Variants in DNAAF5 observed in about 807,000 individuals in gnomAD.
The protein encoded by DNAAF5 is dynein axonemal assembly factor 5.
DNAAF5 carries 64 observed loss-of-function variants against 75.8 expected under a neutral mutation model. The observed-to-expected ratio is 0.84, with a 90% CI of 0.69 to 1.04. The LOEUF is 1.04. Ranked by LOEUF, DNAAF5 falls within the 50% of genes least tolerant of loss-of-function variation. The probability of loss-of-function intolerance (pLI) is 0.00; values close to 1 mark genes in which losing one functional copy is unlikely to be tolerated. For missense variants in DNAAF5, 1,269 were observed against 1,178.5 expected (o/e 1.08, Z -1.12); for synonymous variants, 657 against 557.2 (o/e 1.18, Z -2.52).
chr7:761,708 G>T, intron 6 of DNAAF5, 45 bp from the exon 7 acceptor site: 2 of 1,555,122 alleles, frequency 1.3e-6, no homozygotes, highest in South Asian at 1.2e-5. Context: ...GTGGGGACAC[G>T]ACCAAATTGT....
chr7:752,668 C>A (rs1363656099), intron 4 of DNAAF5, among the ~76,000 whole-genome samples: 1 of 152,168 alleles, frequency 6.6e-6, no homozygotes, highest in Non-Finnish European at 1.5e-5. Flanking sequence ...TGGGCCGGGC[C>A]ACGCTTCCCT....
At chr7:775,212 G>T (rs1175315131) in intron 11 of DNAAF5, 50 bp downstream of exon 11, 19 of 1,563,672 alleles carry the variant, frequency 1.2e-5, no homozygotes, top group Middle Eastern at 1.7e-4. Context: ...TCAGCCCTCC[G>T]TGTCCCTGGG....
At chr7:742,202 C>T (rs1306024857) in intron 4 of DNAAF5, among the ~76,000 whole-genome samples, 1 of 152,196 alleles carries the variant, frequency 6.6e-6, no homozygotes, top group Non-Finnish European at 1.5e-5. Context: ...CAAGTGCTTT[C>T]ATCACTTGAG....
chr7:729,454 C>G (rs956396884), intron 1 of DNAAF5, among the ~76,000 whole-genome samples: 29 of 152,346 alleles, frequency 1.9e-4, no homozygotes, highest in Admixed American at 1.1e-3. Context: ...CAGGGTGGGA[C>G]GCTTGTCCCT....
Position 726,816 on chromosome 7 carries a change from C to T in DNAAF5, c.96C>T (p.Ser32=). The change falls in exon 1 of 13, where the codon AGC becomes AGT. Residue 32 remains serine, a synonymous_variant. Transcript: ENST00000297440. ...AEAVELSRAL[S]RLLPGLEADS... ...CGGTGGAGCTGAGCCGCGCCCTGAGCCGCCTGCTGCCGGGGCTGGAGGCCG... is the reference window on the plus strand; with the variant it reads ...CGGTGGAGCTGAGCCGCGCCCTGAGTCGCCTGCTGCCGGGGCTGGAGGCCG... The T allele has an allele frequency of 7.6e-7, 1 of 1,323,418 alleles. No individual in the cohort carries two copies. Among genetic ancestry groups the T allele is most frequent in the Non-Finnish European group, 9.6e-7 (1 of 1,039,952 alleles). The allele number at this position is 1,323,418 out of a possible 1,614,324, so 82.0% of individuals were successfully genotyped here. A position where few individuals can be genotyped will look rare whatever the true frequency, so the allele number is the denominator to read the frequency against.
At chr7:784,878 G>A (rs767138624) in intron 12 of DNAAF5, among the ~76,000 whole-genome samples, 22 of 152,148 alleles carry the variant, frequency 1.4e-4, no homozygotes, top group Non-Finnish European at 2.9e-4. Context: ...GCCAGGAGGC[G>A]ATTTTCAGTT....
Position 762,664 on chromosome 7 carries a change from A to C in DNAAF5, c.1614+768A>C, listed in dbSNP as rs1420457142. The stretch of plus-strand genomic sequence containing the variant: ...AGTCTCGCTCTGTCACCCAGGCTGG[A>C]GTGCAGTGGCGCGATCTCGGCTCAC... On this transcript the variant is annotated intron_variant, in intron 7 of 12. Transcript: ENST00000297440. Among the ~76,000 whole-genome samples, 3 of 150,284 alleles carry C rather than the reference A, an allele frequency of 2.0e-5. No individual in the cohort carries two copies. In the East Asian group the frequency reaches 6.2e-4, roughly 31 times the overall value.
At chr7:769,328 G>A (rs1778473620) in intron 8 of DNAAF5, 6 of 641,040 alleles carry the variant, frequency 9.4e-6, no homozygotes, top group Non-Finnish European at 8.5e-6. Flanking sequence ...TGGGCCTGCA[G>A]GCTGAGCCTG....
chr7:746,954 C>T (rs967057579), intron 4 of DNAAF5, among the ~76,000 whole-genome samples: 3 of 152,232 alleles, frequency 2.0e-5, no homozygotes, highest in African/African-American at 7.2e-5. Context: ...GAGGCTCATG[C>T]ATGGCACCTG....
chr7:766,336 A>G (rs2128081823), intron 8 of DNAAF5, among the ~76,000 whole-genome samples: 1 of 152,324 alleles, frequency 6.6e-6, no homozygotes, highest in South Asian at 2.1e-4. Flanking sequence ...GCACTACTGT[A>G]ATAAACAGAA....
At chr7:742,646 C>T (rs1053737485) in intron 4 of DNAAF5, among the ~76,000 whole-genome samples, 19 of 151,274 alleles carry the variant, frequency 1.3e-4, no homozygotes, top group African/African-American at 4.1e-4. Context: ...ATCAATCATG[C>T]CCAGCTCAAA....
intron 9 of DNAAF5, among the ~76,000 whole-genome samples, 183 bp from the exon 10 acceptor site, chr7:773,865 C>T (rs1361973923): frequency 6.6e-6 from 1 of 152,156 alleles, no homozygotes. Flanking sequence ...TAGGGTTGGG[C>T]CTGGAGGAAC....
At chr7:739,540 G>A (rs371793557) in intron 2 of DNAAF5, among the ~76,000 whole-genome samples, 33 of 152,198 alleles carry the variant, frequency 2.2e-4, no homozygotes, top group African/African-American at 5.8e-4. Flanking sequence ...TAATGACCCC[G>A]GCAAACGCGC....
rs189775716 is a variant in DNAAF5 at position 780,475 on chromosome 7, G to T, written c.2431+331G>T. ...CTTTCCAAAACAAAATCATCTGCAA[G>T]AACGATTTTTGCAAATGTCTTAAAT... On this transcript the variant is annotated intron_variant, in intron 12 of 12. Coordinates refer to ENST00000297440, the MANE Select transcript of DNAAF5 (RefSeq NM_017802.4). Among the ~76,000 whole-genome samples the T allele has an allele frequency of 5.6e-3, 849 of 152,356 alleles. 5 individuals are homozygous for T. Among genetic ancestry groups the T allele is most frequent in the Middle Eastern group, 0.034 (10 of 294 alleles).
chr7:727,279 T>G lies in DNAAF5; in HGVS notation c.559T>G (p.Cys187Gly). 1 of 1,312,224 alleles carries G rather than the reference T, an allele frequency of 7.6e-7. No individual in the cohort carries two copies. The highest frequency in any genetic ancestry group is 9.7e-7 in the Non-Finnish European group (1 of 1,034,818). The allele number at this position is 1,312,224 out of a possible 1,614,324, so 81.3% of individuals were successfully genotyped here. A position where few individuals can be genotyped will look rare whatever the true frequency, so the allele number is the denominator to read the frequency against. ...DPFAAVRRES[C>G]SCAAALAQAT... ...CTTCGCCGCCGTGCGCCGCGAGAGC[T>G]GCAGCTGCGCCGCCGCCCTGGCGCA... Residue 187 changes from cysteine to glycine, a missense_variant, in exon 1 of 13, where the codon TGC (cysteine) becomes GGC (glycine). Coordinates refer to ENST00000297440, the MANE Select transcript of DNAAF5 (RefSeq NM_017802.4).
intron 12 of DNAAF5, among the ~76,000 whole-genome samples, chr7:782,803 C>T (rs1383359000): frequency 2.0e-5 from 3 of 151,234 alleles, no homozygotes; most frequent in Non-Finnish European, 4.4e-5. Flanking sequence ...GCGTCAGAAA[C>T]TCGGTCTTCC....
chr7:735,701 A>G (rs938858734), intron 2 of DNAAF5, among the ~76,000 whole-genome samples: 3 of 152,134 alleles, frequency 2.0e-5, no homozygotes, highest in Non-Finnish European at 4.4e-5. Flanking sequence ...TAGTCTGGTT[A>G]AAGGTGTGTT....
At chr7:741,244 C>T (rs1781899185) in intron 3 of DNAAF5, 103 bp from the exon 4 acceptor site, 1 of 860,146 alleles carries the variant, frequency 1.2e-6, no homozygotes, top group African/African-American at 1.7e-5. Flanking sequence ...GCTTCCCGCT[C>T]TCACGCAATG....
In DNAAF5 at chr7:754,236, C is replaced by T. The variant is rs1193647193; in HGVS notation, c.1025-353C>T. Among the ~76,000 whole-genome samples the T allele has an allele frequency of 6.6e-6, 1 of 152,206 alleles. No homozygotes were observed. The highest frequency in any genetic ancestry group is 1.5e-5 in the Non-Finnish European group (1 of 68,038). On this transcript the variant is annotated intron_variant, in intron 4 of 12. Transcript: ENST00000297440. The surrounding 1 kb of genome is among the most constrained non-coding windows in gnomAD (Gnocchi z 4.8). ...CTGGAGTGCTGTGGCGCAATCCTCC[C>T]ACCTCAGACTCCTGCGTAGCTGGGA...
Sources: gnomAD v4.1 joint callset for allele counts (sites outside exome capture counted in the v4.1 genomes callset) on GRCh38, gnomAD v4.1.1 for gene constraint, Gnocchi (gnomAD v3.1) non-coding constraint, MANE v1.5 for transcripts, NCBI Gene and HGNC (gene_info 2026-07-23, HGNC 2026-07-21) for gene names.